Variants in LTBP1 observed in about 807,000 individuals in gnomAD.
LTBP1 encodes the protein latent-transforming growth factor beta-binding protein 1.
In LTBP1, 129 loss-of-function variants were observed where a neutral mutation model predicts 207.6. The observed-to-expected ratio is 0.62, with a 90% CI of 0.54 to 0.72. The LOEUF (loss-of-function observed/expected upper bound fraction) is 0.72. Among genes scored for constraint, LTBP1 ranks in the 30% least tolerant of loss-of-function variants. The pLI, the probability that LTBP1 is intolerant of heterozygous loss-of-function variation, is 0.00. For missense variants in LTBP1, 2,281 were observed against 2,217.2 expected (o/e 1.03, Z -0.58); for synonymous variants, 963 against 833.7 (o/e 1.16, Z -2.67).
chr2:32,989,965 A>G (rs1427735892), intron 2 of LTBP1, among the ~76,000 whole-genome samples: 1 of 152,150 alleles, frequency 6.6e-6, no homozygotes, highest in Non-Finnish European at 1.5e-5. Flanking sequence ...TTAATTTCCA[A>G]GCAAATAATA....
At chr2:33,013,449 A>G (rs942624793) in intron 2 of LTBP1, among the ~76,000 whole-genome samples, 4 of 151,260 alleles carry the variant, frequency 2.6e-5, no homozygotes. Flanking sequence ...AATTTTTTTT[A>G]TATAATAGCA....
intron 3 of LTBP1, among the ~76,000 whole-genome samples, chr2:33,028,532 G>T (rs1162372635): frequency 6.6e-6 from 1 of 152,196 alleles, no homozygotes; most frequent in Non-Finnish European, 1.5e-5. Flanking sequence ...GCTGGGCATA[G>T]TGGCGAGCGC....
intron 9 of LTBP1, among the ~76,000 whole-genome samples, chr2:33,243,090 C>T (rs1270803624): frequency 6.6e-6 from 1 of 152,134 alleles, no homozygotes; most frequent in African/African-American, 2.4e-5. Flanking sequence ...TTCCCTTCCT[C>T]GCCCATCCAT....
chr2:33,070,607 G>A lies in LTBP1; in HGVS notation c.864-39975G>A, dbSNP rs142461357. Among the ~76,000 whole-genome samples, 25 of 152,340 alleles carry A rather than the reference G, an allele frequency of 1.6e-4. No homozygotes were observed. The East Asian group carries it at 4.2e-3, about 26-fold the overall frequency. Reference sequence around the variant, plus strand: ...ATTGGAAACTTCCCAGAAGCCCAAGGGCCACACCTAATTTACAAGAACTGG... The same window carrying A: ...ATTGGAAACTTCCCAGAAGCCCAAGAGCCACACCTAATTTACAAGAACTGG... On this transcript the variant is annotated intron_variant, in intron 3 of 33. Transcript: ENST00000404816.
At chr2:33,219,565 G>A (rs1450694952) in intron 8 of LTBP1, among the ~76,000 whole-genome samples, 3 of 151,400 alleles carry the variant, frequency 2.0e-5, no homozygotes, top group Admixed American at 6.6e-5. Context: ...CTGCCTCTTT[G>A]TTTACCATGT....
intron 3 of LTBP1, among the ~76,000 whole-genome samples, chr2:33,038,964 G>A (rs1477957178): frequency 1.3e-5 from 2 of 152,164 alleles, no homozygotes; most frequent in Non-Finnish European, 2.9e-5. Flanking sequence ...TGGGACATCT[G>A]CGCTCAGGGC....
intron 2 of LTBP1, among the ~76,000 whole-genome samples, chr2:32,967,579 T>A (rs971651349): frequency 2.0e-5 from 3 of 152,226 alleles, no homozygotes; most frequent in Non-Finnish European, 2.9e-5. Flanking sequence ...CTTTGACCTA[T>A]GCTTTGTTTA....
At chr2:33,074,526 C>CA (rs1316476636) in intron 3 of LTBP1, among the ~76,000 whole-genome samples, 4 of 151,898 alleles carry the variant, frequency 2.6e-5, no homozygotes, top group Non-Finnish European at 5.9e-5. Flanking sequence ...CACTTGAGGT[C>CA]AAGAGTTCGA....
chr2:33,325,521 A>G (rs1382918277), intron 24 of LTBP1, among the ~76,000 whole-genome samples: 4 of 152,226 alleles, frequency 2.6e-5, no homozygotes, highest in Admixed American at 2.6e-4. Context: ...TTTAGAAGAC[A>G]TTTATTTTTC....
chr2:33,180,797 G>T (rs145719816), intron 5 of LTBP1, among the ~76,000 whole-genome samples: 21 of 152,168 alleles, frequency 1.4e-4, no homozygotes, highest in Admixed American at 9.2e-4. Flanking sequence ...GTTTGCTGTA[G>T]CATGTAATTA....
At chr2:33,344,458 C>T (rs1318860069) in intron 25 of LTBP1, among the ~76,000 whole-genome samples, 1 of 152,160 alleles carries the variant, frequency 6.6e-6, no homozygotes, top group Non-Finnish European at 1.5e-5. Context: ...TGTGGTTGCC[C>T]ATGTCACTGT....
At chr2:33,313,318 T>A (rs1487757629) in intron 23 of LTBP1, among the ~76,000 whole-genome samples, 2 of 151,636 alleles carry the variant, frequency 1.3e-5, no homozygotes, top group African/African-American at 4.8e-5. Flanking sequence ...GGCTAAAGAG[T>A]TCAAGATTAA....
At chr2:33,215,748 C>T (rs1288162622) in intron 7 of LTBP1, among the ~76,000 whole-genome samples, 4 of 139,336 alleles carry the variant, frequency 2.9e-5, no homozygotes, top group South Asian at 2.3e-4. Context: ...GATAGAGTCT[C>T]GCTCTGTCGC....
intron 3 of LTBP1, among the ~76,000 whole-genome samples, chr2:33,082,861 G>A (rs577814109): frequency 7.2e-5 from 11 of 152,160 alleles, no homozygotes; most frequent in African/African-American, 2.4e-4. Flanking sequence ...TGCCTTTGCC[G>A]GTCACTGGGT....
At chr2:33,218,466 G>A (rs1273862308) in intron 8 of LTBP1, among the ~76,000 whole-genome samples, 1 of 152,046 alleles carries the variant, frequency 6.6e-6, no homozygotes, top group South Asian at 2.1e-4. Context: ...GGGCAACCTC[G>A]GCTCACTGCA....
Position 33,147,951 on chromosome 2 carries a change from C to T in LTBP1, c.1201+12991C>T, listed in dbSNP as rs987167576. On this transcript the variant is annotated intron_variant, in intron 5 of 33. Coordinates refer to ENST00000404816, the MANE Select transcript of LTBP1 (RefSeq NM_206943.4). The stretch of plus-strand genomic sequence containing the variant: ...ACTTGGTTTCTGCAAGCACAGCCAG[C>T]GTCCCAGGAAGTGAAATAACAGATA... Among the ~76,000 whole-genome samples, 4 of 152,208 alleles carry T rather than the reference C, an allele frequency of 2.6e-5. No homozygotes were observed. The East Asian group carries it at 5.8e-4, about 22-fold the overall frequency.
At chr2:32,988,179 G>A (rs940279945) in intron 2 of LTBP1, among the ~76,000 whole-genome samples, 3 of 152,186 alleles carry the variant, frequency 2.0e-5, no homozygotes, top group Non-Finnish European at 4.4e-5. Context: ...ATGGATTTTG[G>A]ACTTCTAAGC....
At chr2:33,219,557 G>A (rs1261799689) in intron 8 of LTBP1, among the ~76,000 whole-genome samples, 1 of 151,628 alleles carries the variant, frequency 6.6e-6, no homozygotes, top group Non-Finnish European at 1.5e-5. Context: ...TTTTAAACCT[G>A]CCTCTTTGTT....
chr2:33,371,734 T>C lies in LTBP1; in HGVS notation c.4711+6231T>C, dbSNP rs547211088. ...AACATGTTTTCCATCTACTGAGATA[T>C]TTAACTTGCCAAGCCATCTTAGGTA... On this transcript the variant is annotated intron_variant, in intron 31 of 33. Transcript: ENST00000404816. 2.6e-5 allele frequency among the ~76,000 whole-genome samples: 4 copies of C among 152,340 alleles called. No homozygotes were observed. In the South Asian group the frequency reaches 8.3e-4, roughly 32 times the overall value.
Sources: allele counts gnomAD v4.1 joint callset (sites outside exome capture counted in the v4.1 genomes callset), GRCh38; gene constraint gnomAD v4.1.1; transcripts MANE v1.5; gene names NCBI Gene and HGNC (gene_info 2026-07-23, HGNC 2026-07-21).